Variants in EREG observed in about 807,000 individuals in gnomAD.
EREG encodes proepiregulin.
In EREG, 23 loss-of-function variants were observed where a neutral mutation model predicts 22.4. The ratio of observed to expected loss-of-function variants is 1.03; its 90% CI spans 0.74 to 1.46. The LOEUF is 1.46. Ranked by LOEUF, EREG falls within the 40% of genes most tolerant of loss-of-function variation. The pLI is 0.00. For missense variants in EREG, 226 were observed against 205.9 expected (o/e 1.10, Z -0.60); for synonymous variants, 100 against 75.4 (o/e 1.33, Z -1.69).
intron 1 of EREG, among the ~76,000 whole-genome samples, chr4:74,370,817 C>T (rs1034528314): frequency 3.3e-5 from 5 of 152,192 alleles, no homozygotes; most frequent in Non-Finnish European, 1.5e-5. Context: ...CTCTACCCCA[C>T]CTCATTCCTT....
chr4:74,382,902 C>A, intron 4 of EREG, 108 bp downstream of exon 4: 1 of 796,232 alleles, frequency 1.3e-6, no homozygotes, highest in Non-Finnish European at 2.0e-6. Context: ...TAAGATCAAA[C>A]CTGTACAAAT....
intron 1 of EREG, among the ~76,000 whole-genome samples, chr4:74,377,504 A>G (rs1055559480): frequency 1.2e-4 from 18 of 152,352 alleles, no homozygotes; most frequent in Non-Finnish European, 2.6e-4. Flanking sequence ...GGATAATAAT[A>G]GTATCTTCCT....
intron 1 of EREG, among the ~76,000 whole-genome samples, chr4:74,379,110 T>G (rs1752432085): frequency 6.6e-6 from 1 of 152,178 alleles, no homozygotes; most frequent in Non-Finnish European, 1.5e-5. Flanking sequence ...TCTGAACACA[T>G]GATGGAATAA....
rs1405888579 is a variant in EREG at position 74,386,178 on chromosome 4, G to C, written c.*1370G>C. 1 of 206,650 alleles carries C rather than the reference G, an allele frequency of 4.8e-6. No homozygotes were observed. Among genetic ancestry groups the C allele is most frequent in the Non-Finnish European group, 9.6e-6 (1 of 104,476 alleles). 12.8% of individuals were successfully genotyped at this position (206,650 alleles called of 1,614,324 possible). A position where few individuals can be genotyped will look rare whatever the true frequency, so the allele number is the denominator to read the frequency against. On this transcript the variant is annotated 3_prime_UTR_variant, in exon 5 of 5. Coordinates refer to ENST00000244869, the MANE Select transcript of EREG (RefSeq NM_001432.3). ...CCACCACTTTTGGATTTTATGGGAG[G>C]CTCCTTCATCGAATGCTAAACCTTT...
At chr4:74,371,231 T>C (rs1188031825) in intron 1 of EREG, among the ~76,000 whole-genome samples, 2 of 152,200 alleles carry the variant, frequency 1.3e-5, no homozygotes, top group African/African-American at 2.4e-5. Context: ...TTGCCACCCA[T>C]ACTTCACAGT....
At chr4:74,373,201 A>G (rs1291720683) in intron 1 of EREG, among the ~76,000 whole-genome samples, 2 of 151,808 alleles carry the variant, frequency 1.3e-5, no homozygotes, top group Non-Finnish European at 2.9e-5. Context: ...TAATTCCCTT[A>G]TATTTTGACT....
At position 74,375,909 on chromosome 4, in the gene EREG, G is replaced by T. The variant is rs572394377; in HGVS notation, c.68-3539G>T. ...GAAAGGAACATTTAAAATTATATACGATTCCACCTGTAAAATATCCTGCTG... is the reference window on the plus strand; with the variant it reads ...GAAAGGAACATTTAAAATTATATACTATTCCACCTGTAAAATATCCTGCTG... On this transcript the variant is annotated intron_variant, in intron 1 of 4. Coordinates refer to ENST00000244869, the MANE Select transcript of EREG (RefSeq NM_001432.3). 8.3e-4 allele frequency among the ~76,000 whole-genome samples: 126 copies of T among 152,240 alleles called. 1 individual carries two copies. The highest frequency in any genetic ancestry group is 4.0e-3 in the Admixed American group (61 of 15,292).
In EREG at chr4:74,365,308, G is replaced by T. The variant is rs150312130; in HGVS notation, c.-1G>T. ...AGCCCCAGCGCCCGCTCCCATCGCC[G>T]ATGACCGCGGGGAGGAGGATGGAGA... On this transcript the variant is annotated 5_prime_UTR_variant, in exon 1 of 5. Coordinates refer to ENST00000244869, the MANE Select transcript of EREG (RefSeq NM_001432.3). 5 of 1,603,916 alleles carry T rather than the reference G, an allele frequency of 3.1e-6. No homozygotes were observed. The highest frequency in any genetic ancestry group is 2.2e-5 in the South Asian group (2 of 91,016).
chr4:74,369,389 A>C (rs1560596284), intron 1 of EREG, among the ~76,000 whole-genome samples: 1 of 152,148 alleles, frequency 6.6e-6, no homozygotes, highest in Non-Finnish European at 1.5e-5. Flanking sequence ...CATAGTACAT[A>C]GTACTCATAG....
chr4:74,371,815 G>T (rs1237704803), intron 1 of EREG, among the ~76,000 whole-genome samples: 1 of 150,776 alleles, frequency 6.6e-6, no homozygotes, highest in Non-Finnish European at 1.5e-5. Flanking sequence ...CAAGCCTGCT[G>T]TCCTGCCTAT....
intron 1 of EREG, among the ~76,000 whole-genome samples, chr4:74,371,134 A>G (rs971693328): frequency 1.3e-5 from 2 of 152,182 alleles, no homozygotes; most frequent in Non-Finnish European, 2.9e-5. Context: ...AATGAGGGAT[A>G]CAATTTTGCC....
chr4:74,376,925 T>C (rs1752389957), intron 1 of EREG, among the ~76,000 whole-genome samples: 1 of 152,176 alleles, frequency 6.6e-6, no homozygotes, highest in African/African-American at 2.4e-5. Context: ...ATGTGTAATT[T>C]ACTTTTCAGA....
chr4:74,367,806 A>T (rs1190022193), intron 1 of EREG, among the ~76,000 whole-genome samples: 2 of 152,098 alleles, frequency 1.3e-5, no homozygotes, highest in Non-Finnish European at 2.9e-5. Context: ...TACCCTCACC[A>T]CCTTCTGCAC....
At position 74,386,018 on chromosome 4, in the gene EREG, T is replaced by A; in HGVS notation, c.*1210T>A. On this transcript the variant is annotated 3_prime_UTR_variant, in exon 5 of 5. Transcript: ENST00000244869. Reference sequence around the variant, plus strand: ...ACACACCTTCCTGTGGAGGCTGAGATGAAAACTAGGGCTCATTTTCCTGAC... The same window carrying A: ...ACACACCTTCCTGTGGAGGCTGAGAAGAAAACTAGGGCTCATTTTCCTGAC... 2.7e-6 allele frequency: 1 copy of A among 371,110 alleles called. No homozygotes were observed. 23.0% of individuals were successfully genotyped at this position (371,110 alleles called of 1,614,324 possible). A position where few individuals can be genotyped will look rare whatever the true frequency, so the allele number is the denominator to read the frequency against.
intron 1 of EREG, among the ~76,000 whole-genome samples, chr4:74,373,078 G>A (rs1752319818): frequency 6.7e-6 from 1 of 148,724 alleles, no homozygotes; most frequent in Admixed American, 6.8e-5. Context: ...GCCTCCCAAA[G>A]TGCTGGGTTG....
intron 1 of EREG, among the ~76,000 whole-genome samples, chr4:74,375,078 T>C (rs1014100496): frequency 4.6e-5 from 7 of 152,124 alleles, no homozygotes; most frequent in African/African-American, 1.7e-4. Flanking sequence ...GATCTGTTTT[T>C]TTGACATAGA....
chr4:74,376,862 G>C (rs907632559), intron 1 of EREG, among the ~76,000 whole-genome samples: 1 of 152,130 alleles, frequency 6.6e-6, no homozygotes, highest in African/African-American at 2.4e-5. Flanking sequence ...CTACTTCACA[G>C]AATTAAGTGT....
At chr4:74,383,748 ATT>A in intron 4 of EREG, among the ~76,000 whole-genome samples, 1 of 152,170 alleles carries the variant, frequency 6.6e-6, no homozygotes. Context: ...ATAATATTAA[ATT>A]TATTTTGTCC....
At chr4:74,382,842 T>A (rs745858520) in intron 4 of EREG, 48 bp downstream of exon 4, 1 of 1,416,204 alleles carries the variant, frequency 7.1e-7, no homozygotes, top group South Asian at 1.2e-5. Context: ...TACTTTTACA[T>A]AATGCAGACC....
Sources: allele counts gnomAD v4.1 joint callset (sites outside exome capture counted in the v4.1 genomes callset), GRCh38; gene constraint gnomAD v4.1.1; transcripts MANE v1.5; gene names NCBI Gene and HGNC (gene_info 2026-07-23, HGNC 2026-07-21).